Variants in CELF2 observed in about 807,000 individuals in gnomAD.
CELF2 encodes CUG triplet repeat RNA-binding protein 2.
In CELF2, 8 loss-of-function variants were observed where a neutral mutation model predicts 62.6. The observed-to-expected ratio is 0.13, with a 90% CI of 0.07 to 0.23. CELF2 has a LOEUF of 0.23. CELF2 is among the 10% of genes least tolerant of loss of function. CELF2 has a pLI of 1.00. For missense variants in CELF2, 333 were observed against 671.0 expected (o/e 0.50, Z 5.56); for synonymous variants, 258 against 250.0 (o/e 1.03, Z -0.30).
the CELF2 span, among the ~76,000 whole-genome samples, chr10:10,477,749 A>C: frequency 1.3e-5 from 2 of 150,304 alleles, no homozygotes; most frequent in Non-Finnish European, 3.0e-5. Context: ...TGAGATAAAA[A>C]CTATATGTGG....
rs1350526370 is a variant in CELF2 at position 11,305,733 on chromosome 10, C to G, written c.977-8406C>G. 6.6e-6 allele frequency among the ~76,000 whole-genome samples: 1 copy of G among 152,196 alleles called. No individual in the cohort carries two copies. Among genetic ancestry groups the G allele is most frequent in the Non-Finnish European group, 1.5e-5 (1 of 68,048 alleles). ...TGTTCATCCCAGACCTAGCACAGCTCTAAGGAGAAGGAACCCATCCCGTCC... is the reference window on the plus strand; with the variant it reads ...TGTTCATCCCAGACCTAGCACAGCTGTAAGGAGAAGGAACCCATCCCGTCC... On this transcript the variant is annotated intron_variant, in intron 9 of 12. Coordinates refer to ENST00000633077, the MANE Select transcript of CELF2 (RefSeq NM_001326342.2). The surrounding 1 kb of genome is among the most constrained non-coding windows in gnomAD (Gnocchi z 4.8).
At chr10:10,967,600 C>T (rs2050266661) in intron 2 of CELF2, among the ~76,000 whole-genome samples, 1 of 152,176 alleles carries the variant, frequency 6.6e-6, no homozygotes, top group East Asian at 1.9e-4. Context: ...AAGGTGGGCG[C>T]CAGCCTCCTA....
chr10:10,817,795 A>G (rs2131886944), intron 1 of CELF2, among the ~76,000 whole-genome samples: 2 of 152,332 alleles, frequency 1.3e-5, no homozygotes, highest in South Asian at 4.1e-4. Context: ...AAGCAATAAC[A>G]TCATTATGTC....
intron 1 of CELF2, among the ~76,000 whole-genome samples, chr10:10,911,111 C>T (rs1027256730): frequency 4.6e-5 from 7 of 152,196 alleles, no homozygotes; most frequent in Non-Finnish European, 4.4e-5. Flanking sequence ...TTCTGAGCTG[C>T]GTCTGAAGAG....
the CELF2 span, among the ~76,000 whole-genome samples, chr10:10,629,340 A>G: frequency 2.0e-5 from 3 of 152,162 alleles, no homozygotes; most frequent in Non-Finnish European, 4.4e-5. Context: ...AAATAGCTTC[A>G]AGTTAAGATT....
chr10:10,722,419 C>T, the CELF2 span, among the ~76,000 whole-genome samples: 7 of 152,170 alleles, frequency 4.6e-5, no homozygotes, highest in East Asian at 1.3e-3. Context: ...GTAAGAAATA[C>T]CTGTAGACCC....
At chr10:10,924,569 C>T (rs373991767) in intron 2 of CELF2, among the ~76,000 whole-genome samples, 3 of 152,040 alleles carry the variant, frequency 2.0e-5, no homozygotes, top group Non-Finnish European at 4.4e-5. Flanking sequence ...ACGAAGTATT[C>T]GTAAATGAAG....
chr10:10,462,607 T>C, the CELF2 span, among the ~76,000 whole-genome samples: 5 of 143,234 alleles, frequency 3.5e-5, no homozygotes, highest in African/African-American at 1.3e-4. Context: ...GAGTTTAATT[T>C]TTTTCATCTT....
At chr10:10,650,455 C>T in the CELF2 span, among the ~76,000 whole-genome samples, 3 of 152,168 alleles carry the variant, frequency 2.0e-5, no homozygotes, top group South Asian at 6.2e-4. Flanking sequence ...CTCTGTAACC[C>T]AGAAATTCCA....
chr10:10,606,342 G>T, the CELF2 span, among the ~76,000 whole-genome samples: 1 of 152,188 alleles, frequency 6.6e-6, no homozygotes, highest in African/African-American at 2.4e-5. Flanking sequence ...GAGAATAAGA[G>T]ACCTAAATCT....
chr10:10,592,141 T>C, the CELF2 span, among the ~76,000 whole-genome samples: 7 of 152,278 alleles, frequency 4.6e-5, no homozygotes, highest in African/African-American at 1.7e-4. Context: ...ACATAGTCAA[T>C]GAGAAATGCA....
chr10:10,793,794 G>T (rs189822972), upstream of CELF2, among the ~76,000 whole-genome samples: 327 of 152,160 alleles, frequency 2.1e-3, 10 homozygotes, highest in Non-Finnish European at 5.6e-4. Flanking sequence ...AATTTATTTT[G>T]ATGCCTAGTC....
chr10:10,880,365 A>C (rs1371085899), intron 1 of CELF2, among the ~76,000 whole-genome samples: 1 of 152,130 alleles, frequency 6.6e-6, no homozygotes, highest in Non-Finnish European at 1.5e-5. Flanking sequence ...AGATAAATGT[A>C]CCATGATTTG....
chr10:11,273,425 G>C (rs1213992096), intron 7 of CELF2, among the ~76,000 whole-genome samples: 1 of 152,080 alleles, frequency 6.6e-6, no homozygotes, highest in Non-Finnish European at 1.5e-5. Flanking sequence ...TCTAATTCCC[G>C]ATGAACTGAG....
the CELF2 span, among the ~76,000 whole-genome samples, chr10:10,741,424 T>C: frequency 6.8e-6 from 1 of 147,856 alleles, no homozygotes; most frequent in Non-Finnish European, 1.5e-5. Context: ...GGAAGGAGAA[T>C]TGCTTGAACT....
chr10:10,533,509 G>T, the CELF2 span, among the ~76,000 whole-genome samples: 1 of 152,176 alleles, frequency 6.6e-6, no homozygotes. Flanking sequence ...ACTTTCAAGA[G>T]CTAAAACTAC....
intron 3 of CELF2, among the ~76,000 whole-genome samples, chr10:11,234,537 C>T (rs1450894941): frequency 1.3e-5 from 2 of 152,076 alleles, no homozygotes; most frequent in Non-Finnish European, 2.9e-5. Context: ...AAAAAATTAG[C>T]CAGATGAGGT....
chr10:10,910,380 T>A (rs1187702445), intron 1 of CELF2, among the ~76,000 whole-genome samples: 1 of 151,918 alleles, frequency 6.6e-6, no homozygotes, highest in African/African-American at 2.4e-5. Context: ...TTTGGAGAGA[T>A]GTCACTTTGT....
the CELF2 span, among the ~76,000 whole-genome samples, chr10:10,499,619 C>CA: frequency 6.6e-6 from 1 of 152,144 alleles, no homozygotes; most frequent in Admixed American, 6.5e-5. Context: ...GTGACTCAGG[C>CA]CTGTAATCCC....
Sources: gnomAD v4.1 joint callset for allele counts (sites outside exome capture counted in the v4.1 genomes callset) on GRCh38, gnomAD v4.1.1 for gene constraint, Gnocchi (gnomAD v3.1) non-coding constraint, MANE v1.5 for transcripts, NCBI Gene and HGNC (gene_info 2026-07-23, HGNC 2026-07-21) for gene names.